The following ELAVL2 variants were observed in gnomAD, a reference collection of about 807,000 sequenced individuals.
ELAVL2 encodes ELAV-like protein 2.
A neutral mutation model predicts 34.6 loss-of-function variants in ELAVL2; 4 were observed. The ratio of observed to expected loss-of-function variants is 0.12; its 90% CI spans 0.06 to 0.26. The LOEUF is 0.26. ELAVL2 is among the 10% of genes least tolerant of loss of function. The probability of loss-of-function intolerance (pLI) is 1.00; values close to 1 mark genes in which losing one functional copy is unlikely to be tolerated. For missense variants in ELAVL2, 432 were observed against 442.8 expected, an observed-to-expected ratio of 0.98 and a Z score of 0.22; for synonymous variants, 193 against 154.8, an observed-to-expected ratio of 1.25 and a Z score of -1.83.
intron 3 of ELAVL2, among the ~76,000 whole-genome samples, chr9:23,705,849 TG>T (rs1197322772): frequency 6.6e-6 from 1 of 152,168 alleles, no homozygotes; most frequent in Non-Finnish European, 1.5e-5. Context: ...GGCCAGGGGT[TG>T]GGAACACCTG....
At chr9:23,844,998 A>G in the ELAVL2 span, among the ~76,000 whole-genome samples, 1 of 151,908 alleles carries the variant, frequency 6.6e-6, no homozygotes, top group African/African-American at 2.4e-5. Context: ...TTTTCCTACC[A>G]GTTTTCCAAG....
In ELAVL2 at chr9:23,731,082, C is replaced by G; in HGVS notation, c.273G>C (p.Lys91Asn). 1 of 1,613,154 alleles carries G rather than the reference C, an allele frequency of 6.2e-7. No homozygotes were observed. Among genetic ancestry groups the G allele is most frequent in the East Asian group, 2.2e-5 (1 of 44,832 alleles). Residue 91 changes from lysine to asparagine, a missense_variant, in exon 3 of 7, where the codon AAG becomes AAC. By Grantham distance (94) the Lys-to-Asn change is moderately conservative (BLOSUM62 0). Transcript: ENST00000397312. The stretch of plus-strand genomic sequence containing the variant: ...GGGTGTTGATAGCTTTCTCTGCATC[C>G]TTGGGGTCAATGTAGTTCACAAAGC... Reference protein sequence around the residue: ...GYGFVNYIDPKDAEKAINTLN... With the variant: ...GYGFVNYIDPNDAEKAINTLN...
intron 1 of ELAVL2, among the ~76,000 whole-genome samples, chr9:23,770,691 G>A (rs1409538836): frequency 6.6e-6 from 1 of 152,040 alleles, no homozygotes; most frequent in Non-Finnish European, 1.5e-5. Flanking sequence ...AAAGACTCTG[G>A]GAGGAATGCA....
chr9:23,701,586 C>A lies in ELAVL2; in HGVS notation c.506G>T (p.Gly169Val). 1 of 1,614,006 alleles carries A rather than the reference C, an allele frequency of 6.2e-7. No individual in the cohort carries two copies. The highest frequency in any genetic ancestry group is 8.5e-7 in the Non-Finnish European group (1 of 1,179,968). The change falls in exon 5 of 7, where the codon GGG (glycine) becomes GTG (valine). Residue 169 changes from glycine (G) to valine (V), a missense_variant. By Grantham distance (109) the Gly-to-Val change is moderately radical. Transcript: ENST00000397312. ...DQVTGISRGV[G>V]FIRFDKRIEA... The stretch of plus-strand genomic sequence containing the variant: ...AATTCGCTTGTCAAATCGAATAAAC[C>A]CTACACCCCTTGATATGCCTATGGT...
In ELAVL2 at chr9:23,692,485, T is replaced by C. The variant is rs1036878612; in HGVS notation, c.*72A>G. The C allele has an allele frequency of 1.1e-5, 16 of 1,434,396 alleles. No individual in the cohort carries two copies. The East Asian group carries it at 1.7e-4, about 15-fold the overall frequency. The allele number at this position is 1,434,396 out of a possible 1,614,324, so 88.9% of individuals were successfully genotyped here. On this transcript the variant is annotated 3_prime_UTR_variant, in exon 7 of 7. Coordinates refer to ENST00000397312, the MANE Select transcript of ELAVL2 (RefSeq NM_004432.5). ...ACTGACTTACAAAGACATTTACTAATGTATAAAGTTTCTCTTAACTTGCCT... is the reference window on the plus strand; with the variant it reads ...ACTGACTTACAAAGACATTTACTAACGTATAAAGTTTCTCTTAACTTGCCT...
chr9:23,757,590 G>A (rs1264780222), intron 2 of ELAVL2, among the ~76,000 whole-genome samples: 2 of 151,536 alleles, frequency 1.3e-5, no homozygotes, highest in Non-Finnish European at 2.9e-5. Context: ...TGCAGCATCA[G>A]CAGGTGTCAA....
At chr9:23,692,989 C>T in intron 6 of ELAVL2, 105 bp from the exon 7 acceptor site, 1 of 1,005,116 alleles carries the variant, frequency 9.9e-7, no homozygotes, top group Non-Finnish European at 1.4e-6. Flanking sequence ...ATTTTAGTAA[C>T]TCTCCTCCCC....
At chr9:23,733,192 A>C (rs1390566030) in intron 2 of ELAVL2, among the ~76,000 whole-genome samples, 4 of 149,766 alleles carry the variant, frequency 2.7e-5, no homozygotes, top group East Asian at 2.0e-4. Context: ...AAAAAAAAAA[A>C]CTAAAACAAA....
chr9:23,804,247 C>T (rs1255169936), intron 1 of ELAVL2, among the ~76,000 whole-genome samples: 1 of 151,172 alleles, frequency 6.6e-6, no homozygotes, highest in Non-Finnish European at 1.5e-5. Flanking sequence ...GATCTCGGCT[C>T]ACAGCAACCT....
At chr9:23,823,408 T>TCCC in intron 1 of ELAVL2, among the ~76,000 whole-genome samples, 1 of 152,262 alleles carries the variant, frequency 6.6e-6, no homozygotes, top group South Asian at 2.1e-4. Context: ...TCAGAAGAGT[T>TCCC]CCCCAAGTCT....
At chr9:23,760,101 A>G (rs2054608438) in intron 2 of ELAVL2, among the ~76,000 whole-genome samples, 1 of 151,932 alleles carries the variant, frequency 6.6e-6, no homozygotes, top group Non-Finnish European at 1.5e-5. Context: ...GGTGAAGATA[A>G]AGAACTCAAA....
At chr9:23,752,117 G>A (rs1034940312) in intron 2 of ELAVL2, among the ~76,000 whole-genome samples, 4 of 152,122 alleles carry the variant, frequency 2.6e-5, no homozygotes, top group Admixed American at 2.0e-4. Flanking sequence ...AAAAACAAAA[G>A]TCTGCAACTG....
chr9:23,830,944 A>C (rs770750742), upstream of ELAVL2, among the ~76,000 whole-genome samples: 26 of 152,284 alleles, frequency 1.7e-4, no homozygotes, highest in Non-Finnish European at 7.4e-5. Flanking sequence ...AGGGCAAATC[A>C]GAGACTTATG....
At chr9:23,710,465 T>C (rs2040623192) in intron 3 of ELAVL2, among the ~76,000 whole-genome samples, 1 of 152,240 alleles carries the variant, frequency 6.6e-6, no homozygotes, top group South Asian at 2.1e-4. Context: ...TGGACATTAA[T>C]ACCAATAGAT....
intron 1 of ELAVL2, among the ~76,000 whole-genome samples, chr9:23,777,639 T>G (rs1414212474): frequency 6.6e-6 from 1 of 151,644 alleles, no homozygotes; most frequent in Non-Finnish European, 1.5e-5. Flanking sequence ...AAACGGGGGG[T>G]ATCATGAGGT....
At chr9:23,787,562 C>T (rs1187509247) in intron 1 of ELAVL2, among the ~76,000 whole-genome samples, 1 of 147,142 alleles carries the variant, frequency 6.8e-6, no homozygotes, top group South Asian at 2.2e-4. Flanking sequence ...AGGAAATAGG[C>T]TTAAAAAAAC....
At chr9:23,729,584 C>T (rs1043027323) in intron 3 of ELAVL2, among the ~76,000 whole-genome samples, 2 of 152,076 alleles carry the variant, frequency 1.3e-5, no homozygotes, top group South Asian at 2.1e-4. Flanking sequence ...TTTTTCCCTT[C>T]ACATTTTGAT....
chr9:23,819,394 G>C (rs1326448093), intron 1 of ELAVL2, among the ~76,000 whole-genome samples: 1 of 152,060 alleles, frequency 6.6e-6, no homozygotes, highest in East Asian at 1.9e-4. Context: ...GCCTAGAAAA[G>C]AAAAAAGGTT....
chr9:23,697,235 A>G (rs1448641192), intron 5 of ELAVL2, among the ~76,000 whole-genome samples: 3 of 152,338 alleles, frequency 2.0e-5, no homozygotes, highest in Admixed American at 6.5e-5. Context: ...AGAGTAAAGA[A>G]TGGTACCAGT....
Sources: gnomAD v4.1 joint callset for allele counts (sites outside exome capture counted in the v4.1 genomes callset) on GRCh38, gnomAD v4.1.1 for gene constraint, MANE v1.5 for transcripts, NCBI Gene and HGNC (gene_info 2026-07-23, HGNC 2026-07-21) for gene names.